The following MRS2 variants were observed in gnomAD, a reference collection of about 807,000 sequenced individuals.
The protein encoded by MRS2 is magnesium transporter MRS2 homolog, mitochondrial.
MRS2 carries 40 observed loss-of-function variants against 52.6 expected under a neutral mutation model. The observed-to-expected ratio is 0.76, with a 90% CI of 0.59 to 0.99. MRS2 has a LOEUF of 0.99. Among genes scored for constraint, MRS2 ranks in the 50% least tolerant of loss-of-function variants. The pLI is 0.00. For missense variants in MRS2, 472 were observed against 532.7 expected, an observed-to-expected ratio of 0.89 and a Z score of 1.12; for synonymous variants, 193 against 195.9, an observed-to-expected ratio of 0.98 and a Z score of 0.13.
intron 8 of MRS2, 73 bp downstream of exon 8, chr6:24,418,309 G>C: frequency 6.8e-7 from 1 of 1,478,918 alleles, no homozygotes; most frequent in Admixed American, 2.3e-5. Context: ...GAAATATTTT[G>C]TGAGGAATTA....
chr6:24,414,069 G>C (rs1376967830), intron 5 of MRS2, among the ~76,000 whole-genome samples: 1 of 152,102 alleles, frequency 6.6e-6, no homozygotes, highest in Non-Finnish European at 1.5e-5. Context: ...CTGAAAGCTT[G>C]TGTTTTAATA....
chr6:24,421,632 A>G (rs1762044974), intron 9 of MRS2, among the ~76,000 whole-genome samples: 1 of 124,908 alleles, frequency 8.0e-6, no homozygotes, highest in African/African-American at 2.5e-5. Flanking sequence ...AGCATACTTT[A>G]TTCTCTAAAT....
In MRS2 at chr6:24,418,179, G is replaced by A. The variant is rs759496727; in HGVS notation, c.932G>A (p.Arg311His). ...RLADDLSNAA[R>H]ELRVLIDDSQ... is the part of the protein sequence containing the mutation. ...GCTGACGATCTCTCCAATGCAGCTC[G>A]TGAGCTTAGGGTGCTGATTGATGAT... Residue 311 changes from arginine to histidine, a missense_variant, in exon 8 of 11, where the codon CGT (arginine) becomes CAT (histidine). Physicochemically the swap from Arg to His is conservative, Grantham distance 29. Coordinates refer to ENST00000378386, the MANE Select transcript of MRS2 (RefSeq NM_020662.4). The A allele has an allele frequency of 1.5e-5, 25 of 1,613,640 alleles. No individual in the cohort carries two copies. Among genetic ancestry groups the A allele is most frequent in the East Asian group, 6.7e-5 (3 of 44,876 alleles).
chr6:24,405,462 A>G (rs1365349636), intron 2 of MRS2, among the ~76,000 whole-genome samples: 4 of 152,176 alleles, frequency 2.6e-5, no homozygotes, highest in African/African-American at 9.7e-5. Context: ...TTTTAATACT[A>G]GAACAGGTCA....
intron 9 of MRS2, among the ~76,000 whole-genome samples, chr6:24,420,577 G>A (rs1381200569): frequency 6.6e-6 from 1 of 152,190 alleles, no homozygotes; most frequent in Non-Finnish European, 1.5e-5. Flanking sequence ...GGAGGAGAGA[G>A]TTCATAAACA....
chr6:24,411,139 G>C (rs1252326693), intron 4 of MRS2, among the ~76,000 whole-genome samples: 1 of 150,660 alleles, frequency 6.6e-6, no homozygotes, highest in Non-Finnish European at 1.5e-5. Flanking sequence ...GCAGTGAGCC[G>C]AGATTGCCCC....
At chr6:24,423,203 C>T (rs1762112623) in intron 10 of MRS2, 153 bp downstream of exon 10, 7 of 604,046 alleles carry the variant, frequency 1.2e-5, no homozygotes, top group Admixed American at 3.1e-5. Flanking sequence ...TCAGTTAAGT[C>T]GGTATTACCT....
At chr6:24,405,348 A>C in intron 2 of MRS2, 107 bp downstream of exon 2, 1 of 799,142 alleles carries the variant, frequency 1.3e-6, no homozygotes, top group African/African-American at 1.7e-5. Context: ...CTTTATAATC[A>C]TCATAGCTAC....
At chr6:24,404,567 G>A (rs1761398958) in intron 1 of MRS2, among the ~76,000 whole-genome samples, 1 of 152,002 alleles carries the variant, frequency 6.6e-6, no homozygotes, top group Non-Finnish European at 1.5e-5. Flanking sequence ...ATACTTCACC[G>A]CTCACTTCGA....
At chr6:24,405,886 A>T (rs1761456293) in intron 2 of MRS2, among the ~76,000 whole-genome samples, 1 of 150,474 alleles carries the variant, frequency 6.6e-6, no homozygotes, top group Admixed American at 6.6e-5. Flanking sequence ...TGGGCAGATC[A>T]TGAGGTCAGG....
At chr6:24,403,366 T>A (rs1761353056) in intron 1 of MRS2, 130 bp downstream of exon 1, 1 of 914,562 alleles carries the variant, frequency 1.1e-6, no homozygotes, top group Non-Finnish European at 1.6e-6. Context: ...CCGCGTGTCC[T>A]GTGAGCTTGC....
Position 24,409,456 on chromosome 6 carries a change from T to C in MRS2, c.302-5T>C, listed in dbSNP as rs1761580671. 5 of 1,572,452 alleles carry C rather than the reference T, an allele frequency of 3.2e-6. No individual in the cohort carries two copies. The highest frequency in any genetic ancestry group is 4.4e-6 in the Non-Finnish European group (5 of 1,148,272). On this transcript the variant is annotated splice_polypyrimidine_tract_variant and splice_region_variant and intron_variant, in intron 3 of 10. Transcript: ENST00000378386. ...TTTAGCCCTCTCTGTTTATTTCTTT[T>C]ATAGAAAGGAAGAAAACTGAATTAT...
chr6:24,424,996 T>A lies in MRS2; in HGVS notation c.*1302T>A, dbSNP rs1762181842. The A allele has an allele frequency of 6.6e-6, 1 of 152,204 alleles. No homozygotes were observed. The highest frequency in any genetic ancestry group is 2.1e-4 in the South Asian group (1 of 4,828). The allele number at this position is 152,204 out of a possible 1,614,324, so 9.4% of individuals were successfully genotyped here. A position where few individuals can be genotyped will look rare whatever the true frequency, so the allele number is the denominator to read the frequency against. On this transcript the variant is annotated 3_prime_UTR_variant, in exon 11 of 11. Coordinates refer to ENST00000378386, the MANE Select transcript of MRS2 (RefSeq NM_020662.4). ...ATTAGAGGGAAGCTGCAGAACAGAA[T>A]GGAACAGGACAGGCTGGGCTAGACT...
At chr6:24,403,323 T>TGTTGCTCCGCGCCC in intron 1 of MRS2, 87 bp downstream of exon 1, 2 of 1,313,592 alleles carry the variant, frequency 1.5e-6, no homozygotes, top group Non-Finnish European at 2.0e-6. Context: ...GCGGCGCGCC[T>TGTTGCTCCGCGCCC]GTTGCTCCGC....
intron 9 of MRS2, chr6:24,419,081 C>T (rs572301394): frequency 6.5e-6 from 1 of 153,244 alleles, no homozygotes; most frequent in African/African-American, 2.4e-5. Context: ...ACTAAAAATA[C>T]AAAAAATTAG....
rs537841265 is a variant in MRS2, at chr6:24,418,080, G to C, written c.837-4G>C. 1 of 1,599,512 alleles carries C rather than the reference G, an allele frequency of 6.3e-7. No individual in the cohort carries two copies. Among genetic ancestry groups the C allele is most frequent in the South Asian group, 1.1e-5 (1 of 87,846 alleles). ...ATGTTAATTATTTTCTCTTTTAATT[G>C]AAGTGAAAAGAGCAGTGCTGGGATT... On this transcript the variant is annotated splice_region_variant and splice_polypyrimidine_tract_variant and intron_variant, in intron 7 of 10. Transcript: ENST00000378386.
rs57644884 is a variant in MRS2, at chr6:24,418,283, TA to T, written c.989+49del. On this transcript the variant is annotated intron_variant, in intron 8 of 10. Coordinates refer to ENST00000378386, the MANE Select transcript of MRS2 (RefSeq NM_020662.4). ...CTAAGTTTTTTTAATAAAATAATTA[TA>T]AGAAAGTTTTTAAGGAAATATTTTG... The T allele has an allele frequency of 4.3e-3, 6,387 of 1,478,748 alleles. 155 individuals are homozygous for T. In the African/African-American group the frequency reaches 0.067, roughly 16 times the overall value. The allele number at this position is 1,478,748 out of a possible 1,614,324, so 91.6% of individuals were successfully genotyped here.
intron 2 of MRS2, among the ~76,000 whole-genome samples, chr6:24,407,190 T>G (rs113753243): frequency 3.1e-3 from 412 of 131,362 alleles, no homozygotes; most frequent in African/African-American, 9.5e-3. Context: ...AGTTTTATGT[T>G]ACGTATATTT....
rs374151011 is a variant in MRS2 at position 24,403,216 on chromosome 6, C to A, written c.170C>A (p.Pro57His). 6.3e-7 allele frequency: 1 copy of A among 1,598,344 alleles called. No homozygotes were observed. Among genetic ancestry groups the A allele is most frequent in the Admixed American group, 1.7e-5 (1 of 59,566 alleles). The change falls in exon 1 of 11, where the codon CCC becomes CAC. Residue 57 changes from proline (P) to histidine (H), a missense_variant. Coordinates refer to ENST00000378386, the MANE Select transcript of MRS2 (RefSeq NM_020662.4). Reference protein sequence around the residue: ...GRSRAAQLCGPDRLRVAGEVH... With the variant: ...GRSRAAQLCGHDRLRVAGEVH... ...AGCCGAGCGGCGCAGCTTTGCGGGC[C>A]CGACCGGCTCCGCGTGGCAGGTACT...
Sources: gnomAD v4.1 joint callset for allele counts (sites outside exome capture counted in the v4.1 genomes callset) on GRCh38, gnomAD v4.1.1 for gene constraint, MANE v1.5 for transcripts, NCBI Gene and HGNC (gene_info 2026-07-23, HGNC 2026-07-21) for gene names.